HNRNPA3: variants seen among roughly 807,000 people sequenced by gnomAD.
HNRNPA3 encodes epididymis secretory sperm binding protein.
In HNRNPA3, 3 loss-of-function variants were observed where a neutral mutation model predicts 45.8. That is an observed-to-expected ratio of 0.07 (90% CI 0.03 to 0.17). The LOEUF (loss-of-function observed/expected upper bound fraction) is 0.17. HNRNPA3 is among the 10% of genes least tolerant of loss of function. The pLI is 1.00. For synonymous variants in HNRNPA3, 170 were observed against 155.6 expected, an observed-to-expected ratio of 1.09 and a Z score of -0.69; for missense variants, 183 against 480.3, an observed-to-expected ratio of 0.38 and a Z score of 5.79.
rs1689001675 is a variant in HNRNPA3 at position 177,217,631 on chromosome 2, A to C, written c.821-74A>C. 1.2e-5 allele frequency: 19 copies of C among 1,576,862 alleles called. 1 individual carries two copies. In the South Asian group the frequency reaches 1.9e-4, roughly 16 times the overall value. The stretch of plus-strand genomic sequence containing the variant: ...AACAGAGCAAGACCCAGTCTCTTAC[A>C]CACACACCAGAATTGAATAACGTGA... On this transcript the variant is annotated intron_variant, in intron 7 of 10. Coordinates refer to ENST00000392524, the Ensembl canonical transcript of HNRNPA3.
chr2:177,217,020 T>C (rs1424777496), intron 7 of HNRNPA3, 80 bp downstream of exon 7: 1 of 1,328,868 alleles, frequency 7.5e-7, no homozygotes, highest in African/African-American at 1.5e-5. Flanking sequence ...CTTTTCTAAT[T>C]TTAGTTAAAA....
At chr2:177,215,436 G>T in intron 1 of HNRNPA3, 103 bp from the exon 2 acceptor site, 1 of 1,190,414 alleles carries the variant, frequency 8.4e-7, no homozygotes, top group South Asian at 1.4e-5. Flanking sequence ...ACTGTCACAG[G>T]AATTTGATGT....
intron 8 of HNRNPA3, among the ~76,000 whole-genome samples, chr2:177,218,804 C>T (rs776242885): frequency 2.0e-5 from 3 of 152,162 alleles, no homozygotes; most frequent in African/African-American, 7.2e-5. Flanking sequence ...GGAACACTGG[C>T]AATTTTAATG....
At chr2:177,221,025 G>C (rs1416257439), downstream of HNRNPA3, 2 of 152,570 alleles carry the variant, frequency 1.3e-5, no homozygotes, top group Admixed American at 1.3e-4. Flanking sequence ...ATGCTCTCTT[G>C]TTGCTCTAAT....
Position 177,213,267 on chromosome 2 carries a change from A to G in HNRNPA3, c.72+396A>G, listed in dbSNP as rs886246722. On this transcript the variant is annotated intron_variant, in intron 1 of 10. Transcript: ENST00000392524. Reference sequence around the variant, plus strand: ...GAGCAAGCGGGCGGCGGCCACATTGACATTGATCCGCCGCCGCGTTACGAA... The same window carrying G: ...GAGCAAGCGGGCGGCGGCCACATTGGCATTGATCCGCCGCCGCGTTACGAA... Among the ~76,000 whole-genome samples, 8 of 152,132 alleles carry G rather than the reference A, an allele frequency of 5.3e-5. 1 individual carries two copies. The highest frequency in any genetic ancestry group is 4.6e-4 in the Admixed American group (7 of 15,284).
chr2:177,220,500 A>G (rs961883062), downstream of HNRNPA3: 5 of 153,938 alleles, frequency 3.2e-5, no homozygotes, highest in Admixed American at 3.3e-4. Context: ...TTTTCAGAGC[A>G]AGAGAATAAA....
chr2:177,218,052 CTTTTTTTTTTTTTTTT>C (rs58476089), intron 8 of HNRNPA3, among the ~76,000 whole-genome samples: 19 of 102,178 alleles, frequency 1.9e-4, no homozygotes, highest in African/African-American at 7.2e-4. Context: ...TCTCTTTTTT[CTTTTTTTTTTTTTTTT>C]TTTTTTTTTT....
At chr2:177,216,649 T>C in intron 5 of HNRNPA3, 27 bp from the exon 6 acceptor site, 1 of 1,613,800 alleles carries the variant, frequency 6.2e-7, no homozygotes, top group East Asian at 2.2e-5. Flanking sequence ...GTAAGGTTCT[T>C]AAAAATCTCC....
At position 177,215,601 on chromosome 2, in the gene HNRNPA3, A is replaced by G. The variant is rs774306881; in HGVS notation, c.135A>G (p.Glu45=). 3.7e-6 allele frequency: 6 copies of G among 1,613,876 alleles called. No homozygotes were observed. In the East Asian group the frequency reaches 1.3e-4, roughly 36 times the overall value. ...TGTTTATTGGTGGTCTGAGCTTTGA[A>G]ACTACAGATGATAGTTTACGAGAAC... is the stretch of plus-strand genomic sequence containing the variant. Residue 45 remains glutamate (E), a synonymous_variant, in exon 2 of 11, where the codon GAA becomes GAG. Transcript: ENST00000392524.
chr2:177,219,522 C>T (rs1689097708), exon 11 of HNRNPA3: 2 of 458,562 alleles, frequency 4.4e-6, no homozygotes, highest in Non-Finnish European at 3.9e-6. Flanking sequence ...ACAGAAGGAA[C>T]GATGATCCAT....
At chr2:177,213,633 A>G (rs1688789450) in intron 1 of HNRNPA3, among the ~76,000 whole-genome samples, 1 of 152,242 alleles carries the variant, frequency 6.6e-6, no homozygotes, top group Non-Finnish European at 1.5e-5. Context: ...GAAGGACTTA[A>G]TTTTTGAGAA....
intron 7 of HNRNPA3, 124 bp from the exon 8 acceptor site, chr2:177,217,581 T>A: frequency 8.8e-7 from 1 of 1,139,634 alleles, no homozygotes; most frequent in Non-Finnish European, 1.3e-6. Flanking sequence ...TTGCTGTGGT[T>A]GCACCACTGT....
At chr2:177,218,024 T>C (rs1264328968) in intron 8 of HNRNPA3, among the ~76,000 whole-genome samples, 179 bp downstream of exon 8, 2 of 151,416 alleles carry the variant, frequency 1.3e-5, no homozygotes, top group African/African-American at 2.4e-5. Flanking sequence ...TTTAGTAAAA[T>C]GTACAAATGT....
chr2:177,223,348 C>T (rs1042351425), downstream of HNRNPA3: 1 of 151,202 alleles, frequency 6.6e-6, no homozygotes, highest in Non-Finnish European at 1.5e-5. Flanking sequence ...TTAAACAGTT[C>T]CATTGTCGTT....
Position 177,215,730 on chromosome 2 carries a change from T to C in HNRNPA3, c.196-20T>C. ...ACCGGTGGAGGTGTTTTCAACGTTA[T>C]AAAACTTTTTATTTTGTAGGTAATG... is the stretch of plus-strand genomic sequence containing the variant. On this transcript the variant is annotated intron_variant, in intron 2 of 10. Coordinates refer to ENST00000392524, the Ensembl canonical transcript of HNRNPA3. 3.1e-6 allele frequency: 5 copies of C among 1,604,036 alleles called. No homozygotes were observed. Among genetic ancestry groups the C allele is most frequent in the Non-Finnish European group, 4.3e-6 (5 of 1,175,680 alleles).
At chr2:177,215,061 G>C (rs1248193774) in intron 1 of HNRNPA3, among the ~76,000 whole-genome samples, 2 of 152,164 alleles carry the variant, frequency 1.3e-5, no homozygotes, top group Non-Finnish European at 2.9e-5. Flanking sequence ...ACATAAGTTA[G>C]CCCCTTTAAC....
chr2:177,213,453 C>T (rs890938430), intron 1 of HNRNPA3, among the ~76,000 whole-genome samples: 2 of 152,388 alleles, frequency 1.3e-5, no homozygotes, highest in African/African-American at 4.8e-5. Flanking sequence ...CGACGCTTTT[C>T]TAGGCCTTTT....
intron 1 of HNRNPA3, among the ~76,000 whole-genome samples, chr2:177,213,488 A>G (rs1183633213): frequency 6.6e-6 from 1 of 152,230 alleles, no homozygotes; most frequent in East Asian, 1.9e-4. Flanking sequence ...CGAGAAGTCG[A>G]TAATTGGCCT....
At chr2:177,216,252 A>T in intron 4 of HNRNPA3, 64 bp downstream of exon 4, 1 of 1,145,816 alleles carries the variant, frequency 8.7e-7, no homozygotes, top group Non-Finnish European at 1.3e-6. Context: ...TTTGAACTAA[A>T]TTTGCTAAAT....
Sources: allele counts gnomAD v4.1 joint callset (sites outside exome capture counted in the v4.1 genomes callset), GRCh38; gene constraint gnomAD v4.1.1; transcripts MANE v1.5; gene names NCBI Gene and HGNC (gene_info 2026-07-23, HGNC 2026-07-21).